RFX7: variants seen among roughly 807,000 people sequenced by gnomAD.
RFX7 encodes the protein DNA-binding protein RFX7.
RFX7 carries 26 observed loss-of-function variants against 111.8 expected under a neutral mutation model. That is an observed-to-expected ratio of 0.23 (90% CI 0.17 to 0.32). The LOEUF is 0.32. Ranked by LOEUF, RFX7 falls within the 10% of genes least tolerant of loss-of-function variation. The probability of loss-of-function intolerance (pLI) is 1.00; values close to 1 mark genes in which losing one functional copy is unlikely to be tolerated. For missense variants in RFX7, 1,573 were observed against 1,772.9 expected, an observed-to-expected ratio of 0.89 and a Z score of 2.02; for synonymous variants, 624 against 624.4, an observed-to-expected ratio of 1.00 and a Z score of 0.01.
At chr15:56,122,092 T>C (rs1235387638) in intron 5 of RFX7, among the ~76,000 whole-genome samples, 1 of 152,200 alleles carries the variant, frequency 6.6e-6, no homozygotes, top group Non-Finnish European at 1.5e-5. Context: ...CTCATCAGTG[T>C]CTGGACATTG....
At chr15:56,169,048 A>G (rs1280099678) in intron 3 of RFX7, among the ~76,000 whole-genome samples, 1 of 152,242 alleles carries the variant, frequency 6.6e-6, no homozygotes, top group Admixed American at 6.5e-5. Context: ...AGATAAATGC[A>G]TAGTCCTAGT....
intron 2 of RFX7, among the ~76,000 whole-genome samples, chr15:56,235,225 G>A (rs1171342854): frequency 6.6e-6 from 1 of 151,776 alleles, no homozygotes; most frequent in Non-Finnish European, 1.5e-5. Flanking sequence ...CCAGGCCGGA[G>A]TGCAGTGGCG....
intron 3 of RFX7, among the ~76,000 whole-genome samples, chr15:56,165,669 T>C (rs548224828): frequency 7.2e-5 from 11 of 152,186 alleles, no homozygotes; most frequent in Non-Finnish European, 1.6e-4. Flanking sequence ...GAGCATAGCA[T>C]GGCCTGTAAA....
At chr15:56,104,557 C>A (rs1195239747) in intron 5 of RFX7, among the ~76,000 whole-genome samples, 1 of 152,198 alleles carries the variant, frequency 6.6e-6, no homozygotes, top group Admixed American at 6.6e-5. Flanking sequence ...ATGAAAACAA[C>A]TGGAACACAT....
At chr15:56,212,628 C>G (rs1042380514) in intron 2 of RFX7, among the ~76,000 whole-genome samples, 2 of 152,086 alleles carry the variant, frequency 1.3e-5, no homozygotes, top group Non-Finnish European at 2.9e-5. Context: ...AATTCTGTAT[C>G]TTCTGGTTCT....
intron 2 of RFX7, among the ~76,000 whole-genome samples, chr15:56,187,211 AT>A (rs572991858): frequency 0.038 from 5,350 of 142,028 alleles, 188 homozygotes; most frequent in African/African-American, 0.1. Flanking sequence ...TACTGGTAGA[AT>A]TTTTTTTTTT....
At chr15:56,192,783 T>C (rs1362907033) in intron 2 of RFX7, 1 of 224,564 alleles carries the variant, frequency 4.5e-6, no homozygotes, top group East Asian at 1.1e-4. Context: ...GTTGAGTAAA[T>C]GGAGGCCAGC....
chr15:56,109,280 G>A (rs1433598544), intron 5 of RFX7, among the ~76,000 whole-genome samples: 2 of 152,240 alleles, frequency 1.3e-5, no homozygotes. Context: ...GCTCCTAACC[G>A]CGAGTGATCC....
intron 5 of RFX7, among the ~76,000 whole-genome samples, chr15:56,135,937 A>G (rs1468475623): frequency 5.0e-4 from 76 of 152,164 alleles, no homozygotes; most frequent in Non-Finnish European, 8.8e-4. Context: ...GATATGCGGC[A>G]TTATTTTTGA....
chr15:56,166,417 A>T (rs960459299), intron 3 of RFX7, among the ~76,000 whole-genome samples: 1 of 152,192 alleles, frequency 6.6e-6, no homozygotes, highest in Non-Finnish European at 1.5e-5. Context: ...GGACCCAAAC[A>T]TTAGAATTAG....
intron 3 of RFX7, among the ~76,000 whole-genome samples, chr15:56,157,302 A>G (rs1237312718): frequency 6.6e-6 from 1 of 152,152 alleles, no homozygotes; most frequent in Non-Finnish European, 1.5e-5. Flanking sequence ...TGTCATAAAG[A>G]TAGTATCCTA....
chr15:56,162,335 G>A (rs1372157116), intron 3 of RFX7, among the ~76,000 whole-genome samples: 2 of 151,950 alleles, frequency 1.3e-5, no homozygotes, highest in South Asian at 2.1e-4. Flanking sequence ...TTACTTTTCT[G>A]CAAGTTTGAA....
rs1374149661 is a variant in RFX7, at chr15:56,134,614, CTTTCT to C, written c.401+8159_401+8163del. ...TCACTTTCTTTTTTTTTTTTTTTTA[CTTTCT>C]TTTTTTTTTTTTATTATACTTTAAG... On this transcript the variant is annotated intron_variant, in intron 5 of 9. Coordinates refer to ENST00000559447, the MANE Select transcript of RFX7 (RefSeq NM_022841.7). 3.4e-4 allele frequency among the ~76,000 whole-genome samples: 9 copies of C among 26,712 alleles called. No homozygotes were observed. In the South Asian group the frequency reaches 8.3e-3, roughly 25 times the overall value. The allele number at this position is 26,712 out of a possible 152,430, so 17.5% of individuals were successfully genotyped here.
intron 2 of RFX7, among the ~76,000 whole-genome samples, chr15:56,198,255 G>A (rs1194962615): frequency 6.6e-6 from 1 of 151,946 alleles, no homozygotes; most frequent in Admixed American, 6.5e-5. Context: ...AAGTTCAAAG[G>A]TGGAATGCTG....
chr15:56,128,512 C>T (rs72736498), intron 5 of RFX7, among the ~76,000 whole-genome samples: 18,896 of 152,030 alleles, frequency 0.12, 1,502 homozygotes, highest in East Asian at 0.44. Flanking sequence ...GCAGAAAAAA[C>T]GTTTGACAGA....
At chr15:56,203,232 C>T (rs2043212512) in intron 2 of RFX7, among the ~76,000 whole-genome samples, 1 of 152,242 alleles carries the variant, frequency 6.6e-6, no homozygotes, top group East Asian at 1.9e-4. Context: ...TAGAAAACTG[C>T]AAAGTTAGTA....
chr15:56,166,480 G>A (rs774668787), intron 3 of RFX7, among the ~76,000 whole-genome samples: 16 of 149,514 alleles, frequency 1.1e-4, no homozygotes, highest in Non-Finnish European at 2.4e-4. Context: ...AATATAAACA[G>A]GAAGTTCTCA....
chr15:56,216,882 C>T (rs2043367643), intron 2 of RFX7, among the ~76,000 whole-genome samples: 1 of 147,916 alleles, frequency 6.8e-6, no homozygotes, highest in South Asian at 2.4e-4. Context: ...GTCTCAAATT[C>T]CTGGCTCAAG....
intron 2 of RFX7, among the ~76,000 whole-genome samples, chr15:56,200,784 G>T (rs568463000): frequency 6.6e-6 from 1 of 151,710 alleles, no homozygotes; most frequent in Non-Finnish European, 1.5e-5. Flanking sequence ...GGCAAGCCTC[G>T]CCGTCTCAAA....
Sources: gnomAD v4.1 joint callset for allele counts (sites outside exome capture counted in the v4.1 genomes callset) on GRCh38, gnomAD v4.1.1 for gene constraint, MANE v1.5 for transcripts, NCBI Gene and HGNC (gene_info 2026-07-23, HGNC 2026-07-21) for gene names.